Variants in ALS2 observed in about 807,000 individuals in gnomAD.
ALS2 encodes the protein alsin Rho guanine nucleotide exchange factor ALS2, also known as alsin.
ALS2 carries 117 observed loss-of-function variants against 203.4 expected under a neutral mutation model. The ratio of observed to expected loss-of-function variants is 0.58; its 90% CI spans 0.50 to 0.67. ALS2 has a LOEUF of 0.67. Among genes scored for constraint, ALS2 ranks in the 30% least tolerant of loss-of-function variants. ALS2 has a pLI of 0.00. For synonymous variants in ALS2, 718 were observed against 725.9 expected (o/e 0.99, Z 0.17); for missense variants, 1,715 against 1,989.4 (o/e 0.86, Z 2.62).
rs760850056 is a variant in ALS2 at position 201,707,025 on chromosome 2, A to G, written c.4404-3T>C. ...ATCCAGAACTCGTTACTACATAACT[A>G]CAAAATAATGGAGTGGGAGAAAAGG... On this transcript the variant is annotated splice_region_variant and splice_polypyrimidine_tract_variant and intron_variant, in intron 28 of 33. Transcript: ENST00000264276. The G allele has an allele frequency of 6.2e-7, 1 of 1,612,182 alleles. No homozygotes were observed. The highest frequency in any genetic ancestry group is 1.7e-5 in the Admixed American group (1 of 59,878).
At position 201,710,018 on chromosome 2, in the gene ALS2, G is replaced by C; in HGVS notation, c.4143C>G (p.His1381Gln). The C allele has an allele frequency of 6.2e-7, 1 of 1,613,922 alleles. No homozygotes were observed. The highest frequency in any genetic ancestry group is 1.1e-5 in the South Asian group (1 of 91,072). ...GTGTCTCCACAAGCCTGCCCAGGGG[G>C]TGCAGAGGAGTGTCACAGGCCTGAG... is the stretch of plus-strand genomic sequence containing the variant. ...YLIKACDTPL[H>Q]PLGRLVETLV... The change falls in exon 27 of 34, where the codon CAC becomes CAG. Residue 1381 changes from histidine to glutamine, a missense_variant. Physicochemically the swap from His to Gln is conservative, Grantham distance 24. Around this residue, in one of 3 missense-constraint regions of ALS2, gnomAD observed 1,227 missense variants for 1,413.5 expected, o/e 0.87. Transcript: ENST00000264276.
chr2:201,760,530 G>C, intron 4 of ALS2: 1 of 1,042,482 alleles, frequency 9.6e-7, no homozygotes. Flanking sequence ...CAAGTAAGAA[G>C]AATCTTTGTG....
intron 33 of ALS2, among the ~76,000 whole-genome samples, chr2:201,703,019 G>C (rs191321112): frequency 6.6e-6 from 1 of 152,144 alleles, no homozygotes; most frequent in African/African-American, 2.4e-5. Context: ...GGGAGGCTGA[G>C]GCAGCAGAAT....
At position 201,703,896 on chromosome 2, in the gene ALS2, G is replaced by A. The variant is rs112891990; in HGVS notation, c.4935+226C>T. 0.013 allele frequency among the ~76,000 whole-genome samples: 1,943 copies of A among 152,228 alleles called. 40 individuals are homozygous for A. The highest frequency in any genetic ancestry group is 0.044 in the African/African-American group (1,821 of 41,534). ...TATAACAGTTTGATCAATTTACAAG[G>A]AGGATTAGATAATGAAGAATTTGCT... On this transcript the variant is annotated intron_variant, in intron 33 of 33. Transcript: ENST00000264276.
chr2:201,775,973 C>A (rs2106117328), intron 1 of ALS2, among the ~76,000 whole-genome samples: 1 of 152,304 alleles, frequency 6.6e-6, no homozygotes, highest in South Asian at 2.1e-4. Context: ...AAGCTGGTTA[C>A]ATTTAAGTGA....
chr2:201,740,874 A>G (rs1465418413), intron 11 of ALS2, among the ~76,000 whole-genome samples: 1 of 152,210 alleles, frequency 6.6e-6, no homozygotes, highest in Non-Finnish European at 1.5e-5. Flanking sequence ...ACAAAACACG[A>G]ACTCCCTGAG....
At chr2:201,755,941 A>G (rs1200079435) in intron 5 of ALS2, among the ~76,000 whole-genome samples, 2 of 152,202 alleles carry the variant, frequency 1.3e-5, no homozygotes, top group Non-Finnish European at 2.9e-5. Context: ...TCACTGCCTA[A>G]TATCAACATC....
intron 12 of ALS2, 107 bp downstream of exon 12, chr2:201,738,563 G>C (rs1692031621): frequency 1.9e-6 from 2 of 1,059,654 alleles, no homozygotes; most frequent in Non-Finnish European, 2.9e-6. Flanking sequence ...TGACTTGTTT[G>C]GTAAAATGAT....
intron 10 of ALS2, among the ~76,000 whole-genome samples, chr2:201,743,666 G>C (rs1692441257): frequency 6.6e-6 from 1 of 152,086 alleles, no homozygotes; most frequent in Non-Finnish European, 1.5e-5. Context: ...TAGTAGAGAT[G>C]GGGTTTCACC....
At chr2:201,758,183 C>A (rs903133383) in intron 4 of ALS2, among the ~76,000 whole-genome samples, 1 of 151,906 alleles carries the variant, frequency 6.6e-6, no homozygotes, top group Non-Finnish European at 1.5e-5. Context: ...AAAATTTATA[C>A]AGACTACTAC....
chr2:201,715,549 T>C, intron 25 of ALS2, 123 bp downstream of exon 25: 2 of 1,208,100 alleles, frequency 1.7e-6, no homozygotes, highest in South Asian at 1.3e-5. Context: ...TTAATCTCTC[T>C]TACTCAGAAG....
intron 9 of ALS2, among the ~76,000 whole-genome samples, chr2:201,745,777 C>G (rs2106054423): frequency 6.6e-6 from 1 of 152,058 alleles, no homozygotes; most frequent in South Asian, 2.1e-4. Flanking sequence ...GGTGAAACCC[C>G]GTCTCTACTA....
At chr2:201,773,008 C>T (rs112572394) in intron 1 of ALS2, among the ~76,000 whole-genome samples, 6,291 of 151,888 alleles carry the variant, frequency 0.041, 146 homozygotes, top group Middle Eastern at 0.085. Context: ...ATTACAGGTG[C>T]ACACCACCAC....
intron 24 of ALS2, chr2:201,716,546 A>AG (rs1690405036): frequency 6.8e-6 from 1 of 147,622 alleles, no homozygotes; most frequent in African/African-American, 2.5e-5. Context: ...CCATCTCAAA[A>AG]AAAAAAAAAA....
intron 15 of ALS2, 125 bp downstream of exon 15, chr2:201,728,387 C>T: frequency 7.3e-7 from 1 of 1,367,812 alleles, no homozygotes; most frequent in Non-Finnish European, 1.0e-6. Flanking sequence ...AGAATGATGG[C>T]TAGCCTCTTT....
At chr2:201,764,334 A>T (rs1693944707) in intron 3 of ALS2, among the ~76,000 whole-genome samples, 1 of 152,158 alleles carries the variant, frequency 6.6e-6, no homozygotes, top group Non-Finnish European at 1.5e-5. Flanking sequence ...TGGAGCATAT[A>T]AAAAATAGTG....
In ALS2 at chr2:201,714,207, T is replaced by C. The variant is rs568839450; in HGVS notation, c.4004+1465A>G. ...GGAATTAAGCTTCGTAAAAGTTCCA[T>C]ATACTGACAAAGGTGTTTTGCTTTC... is the stretch of plus-strand genomic sequence containing the variant. On this transcript the variant is annotated intron_variant, in intron 25 of 33. Transcript: ENST00000264276. Among the ~76,000 whole-genome samples the C allele has an allele frequency of 7.9e-4, 120 of 152,360 alleles. 1 individual carries two copies. Among genetic ancestry groups the C allele is most frequent in the African/African-American group, 2.6e-3 (108 of 41,584 alleles).
At chr2:201,748,368 A>G (rs1400936203) in intron 8 of ALS2, among the ~76,000 whole-genome samples, 2 of 152,184 alleles carry the variant, frequency 1.3e-5, no homozygotes, top group East Asian at 3.8e-4. Context: ...TCTCAAAACT[A>G]ACTCAAATCT....
chr2:201,708,263 C>T (rs941186040), intron 27 of ALS2, among the ~76,000 whole-genome samples: 3 of 152,092 alleles, frequency 2.0e-5, no homozygotes, highest in Non-Finnish European at 4.4e-5. Flanking sequence ...TCCTTACTGG[C>T]AAATCTCATC....
Sources: gnomAD v4.1 joint callset for allele counts (sites outside exome capture counted in the v4.1 genomes callset) on GRCh38, gnomAD v4.1.1 for gene constraint, gnomAD v4.1.1 regional missense constraint, MANE v1.5 for transcripts, NCBI Gene and HGNC (gene_info 2026-07-23, HGNC 2026-07-21) for gene names.